RELN: variants seen among roughly 807,000 people sequenced by gnomAD.
RELN encodes the protein reelin.
Under a neutral mutation model 427.6 loss-of-function variants are expected in RELN, and 108 were observed. That is an observed-to-expected ratio of 0.25 (90% confidence interval 0.22 to 0.30). The LOEUF is 0.30. Ranked by LOEUF, RELN falls within the 10% of genes least tolerant of loss-of-function variation. The pLI is 1.00. For missense variants in RELN, 3,715 were observed against 4,302.8 expected (o/e 0.86, Z 3.82); for synonymous variants, 1,524 against 1,513.4 (o/e 1.01, Z -0.16).
At chr7:103,522,323 G>T in intron 47 of RELN, 124 bp from the exon 48 acceptor site, 1 of 931,096 alleles carries the variant, frequency 1.1e-6, no homozygotes, top group Non-Finnish European at 1.7e-6. Context: ...GATTTTCAGA[G>T]AGCTTGCCAG....
chr7:103,952,264 T>A (rs1796347852), intron 1 of RELN, among the ~76,000 whole-genome samples: 1 of 152,210 alleles, frequency 6.6e-6, no homozygotes, highest in South Asian at 2.1e-4. Flanking sequence ...TCAGTCTGAT[T>A]CTTTGGGTCA....
At chr7:103,629,203 T>C (rs1202407103) in intron 20 of RELN, among the ~76,000 whole-genome samples, 1 of 152,192 alleles carries the variant, frequency 6.6e-6, no homozygotes, top group Non-Finnish European at 1.5e-5. Flanking sequence ...CTATGTAAAG[T>C]AGCCAGCTCC....
At chr7:103,473,516 G>C (rs1827927936) in intron 64 of RELN, among the ~76,000 whole-genome samples, 1 of 152,076 alleles carries the variant, frequency 6.6e-6, no homozygotes, top group African/African-American at 2.4e-5. Flanking sequence ...TATAAACGTG[G>C]CCTTAGGAAA....
intron 51 of RELN, among the ~76,000 whole-genome samples, chr7:103,506,841 T>G (rs1829230873): frequency 6.6e-6 from 1 of 152,208 alleles, no homozygotes; most frequent in African/African-American, 2.4e-5. Context: ...TGGAGGAATA[T>G]TTATCAAGCA....
Position 103,682,144 on chromosome 7 carries a change from A to C in RELN, c.1261T>G (p.Ser421Ala). The change falls in exon 11 of 65, where the codon TCA becomes GCA. Residue 421 changes from serine (S) to alanine (A), a missense_variant. Transcript: ENST00000428762. ...LSTEDIQEQW[S>A]EEFESQPTGW... Reference sequence around the variant, plus strand: ...GTAGGCTGGCTCTCAAATTCTTCTGACCATTGCTCTTGAATATCTTCTGTG... The same window carrying C: ...GTAGGCTGGCTCTCAAATTCTTCTGCCCATTGCTCTTGAATATCTTCTGTG... 6.2e-7 allele frequency: 1 copy of C among 1,613,980 alleles called. No individual in the cohort carries two copies. Among genetic ancestry groups the C allele is most frequent in the South Asian group, 1.1e-5 (1 of 91,082 alleles).
chr7:103,652,321 G>T (rs1198330667), intron 14 of RELN, among the ~76,000 whole-genome samples: 1 of 149,816 alleles, frequency 6.7e-6, no homozygotes, highest in Non-Finnish European at 1.5e-5. Flanking sequence ...AAACACCTCT[G>T]ATACCTAAGA....
intron 2 of RELN, among the ~76,000 whole-genome samples, chr7:103,916,185 A>T (rs554953799): frequency 8.5e-5 from 13 of 152,296 alleles, no homozygotes; most frequent in African/African-American, 3.1e-4. Flanking sequence ...TCATCTGGGC[A>T]GGGCTACTGC....
At chr7:103,707,975 ATACAG>A (rs565925968) in intron 8 of RELN, among the ~76,000 whole-genome samples, 135 of 152,364 alleles carry the variant, frequency 8.9e-4, no homozygotes, top group African/African-American at 3.0e-3. Context: ...AGCTATTTCT[ATACAG>A]TTGCTTCCTT....
At chr7:103,572,305 A>C in intron 30 of RELN, 45 bp from the exon 31 acceptor site, 1 of 1,039,508 alleles carries the variant, frequency 9.6e-7, no homozygotes, top group South Asian at 1.3e-5. Flanking sequence ...AGAGTTCAGA[A>C]GAGCTGTAAG....
At chr7:103,663,528 C>G (rs1833189678) in intron 11 of RELN, among the ~76,000 whole-genome samples, 1 of 152,142 alleles carries the variant, frequency 6.6e-6, no homozygotes, top group Non-Finnish European at 1.5e-5. Context: ...GGAAAGCAGC[C>G]TTTTCAATTG....
chr7:103,884,740 C>G (rs80230377), intron 2 of RELN, among the ~76,000 whole-genome samples: 17,815 of 152,240 alleles, frequency 0.12, 1,110 homozygotes, highest in Non-Finnish European at 0.13. Flanking sequence ...GAGATGTCAT[C>G]TCATCCCAGT....
intron 2 of RELN, among the ~76,000 whole-genome samples, chr7:103,872,029 T>G (rs1299224234): frequency 1.3e-5 from 1 of 75,302 alleles, no homozygotes; most frequent in East Asian, 5.2e-4. Flanking sequence ...TATATATATA[T>G]ATTTTTCTTT....
At chr7:103,687,736 A>G (rs554830727) in intron 10 of RELN, among the ~76,000 whole-genome samples, 4 of 152,172 alleles carry the variant, frequency 2.6e-5, no homozygotes, top group Admixed American at 2.6e-4. Flanking sequence ...TCAATTAGTG[A>G]TTGAATGTGT....
At chr7:103,598,099 C>T (rs530995226) in intron 24 of RELN, among the ~76,000 whole-genome samples, 7 of 152,144 alleles carry the variant, frequency 4.6e-5, no homozygotes, top group African/African-American at 1.2e-4. Context: ...GAAAGGGTTT[C>T]GGTTATTAGA....
chr7:103,644,878 G>A (rs1298245873), intron 16 of RELN, among the ~76,000 whole-genome samples: 2 of 151,606 alleles, frequency 1.3e-5, no homozygotes, highest in African/African-American at 4.8e-5. Context: ...ATTAGCATGG[G>A]AAAAATATCT....
At chr7:103,731,788 C>T (rs1048755120) in intron 6 of RELN, among the ~76,000 whole-genome samples, 8 of 151,962 alleles carry the variant, frequency 5.3e-5, no homozygotes, top group African/African-American at 1.9e-4. Context: ...CTAATGTAAG[C>T]CACTTTTTTC....
At chr7:103,542,516 T>C (rs1245585169) in intron 43 of RELN, among the ~76,000 whole-genome samples, 3 of 152,246 alleles carry the variant, frequency 2.0e-5, no homozygotes, top group East Asian at 1.9e-4. Flanking sequence ...TTAGGTATGT[T>C]TCCTTTCTGA....
At chr7:103,495,179 T>C (rs1421079609) in intron 57 of RELN, among the ~76,000 whole-genome samples, 1 of 116,482 alleles carries the variant, frequency 8.6e-6, no homozygotes, top group East Asian at 2.8e-4. Context: ...TAATTCCTTT[T>C]TTTTTTTTTT....
intron 3 of RELN, among the ~76,000 whole-genome samples, chr7:103,800,825 T>C (rs939987188): frequency 1.3e-5 from 2 of 152,160 alleles, no homozygotes; most frequent in Non-Finnish European, 2.9e-5. Flanking sequence ...TTTTGCAATC[T>C]ACTCATCTGA....
Sources: gnomAD v4.1 joint callset for allele counts (sites outside exome capture counted in the v4.1 genomes callset) on GRCh38, gnomAD v4.1.1 for gene constraint, MANE v1.5 for transcripts, NCBI Gene and HGNC (gene_info 2026-07-23, HGNC 2026-07-21) for gene names.